The following SIK3 variants were observed in gnomAD, a reference collection of about 807,000 sequenced individuals.
The protein encoded by SIK3 is SIK family kinase 3.
Under a neutral mutation model 144.2 loss-of-function variants are expected in SIK3, and 28 were observed. That is an observed-to-expected ratio of 0.19 (90% CI 0.14 to 0.27). The LOEUF (loss-of-function observed/expected upper bound fraction) is 0.27, where lower values mean the gene tolerates loss of function less well. Ranked by LOEUF, SIK3 falls within the 10% of genes least tolerant of loss-of-function variation. The pLI is 1.00. For missense variants in SIK3, 1,319 were observed against 1,776.0 expected, an observed-to-expected ratio of 0.74 and a Z score of 4.62; for synonymous variants, 686 against 676.3, an observed-to-expected ratio of 1.01 and a Z score of -0.22.
At chr11:117,071,782 ATTTT>A (rs57735255) in intron 1 of SIK3, among the ~76,000 whole-genome samples, 1 of 105,640 alleles carries the variant, frequency 9.5e-6, no homozygotes, top group Non-Finnish European at 1.8e-5. Context: ...TGCTTGGTTA[ATTTT>A]TTTTTTTTTT....
intron 1 of SIK3, among the ~76,000 whole-genome samples, chr11:117,057,007 A>G (rs1953566012): frequency 6.6e-6 from 1 of 152,236 alleles, no homozygotes; most frequent in Non-Finnish European, 1.5e-5. Context: ...TTCTTTAGAG[A>G]TAATTGTAGA....
intron 1 of SIK3, among the ~76,000 whole-genome samples, chr11:117,096,303 G>A (rs893954499): frequency 1.3e-4 from 20 of 152,070 alleles, no homozygotes; most frequent in African/African-American, 4.8e-4. Flanking sequence ...CATAAACCAG[G>A]CAACCAATTA....
intron 1 of SIK3, among the ~76,000 whole-genome samples, chr11:116,973,248 A>C (rs935157605): frequency 2.0e-5 from 3 of 152,224 alleles, no homozygotes; most frequent in African/African-American, 7.2e-5. Flanking sequence ...GTTGCTACAT[A>C]GTAATAGAAA....
intron 1 of SIK3, among the ~76,000 whole-genome samples, chr11:116,964,314 T>C (rs367655452): frequency 1.6e-4 from 24 of 152,204 alleles, no homozygotes; most frequent in African/African-American, 5.3e-4. Context: ...AATTTTTTAA[T>C]TGAAGTCTAT....
chr11:117,034,904 A>G (rs955597248), intron 1 of SIK3, among the ~76,000 whole-genome samples: 4 of 152,244 alleles, frequency 2.6e-5, no homozygotes, highest in African/African-American at 9.6e-5. Context: ...TAATTGTAAC[A>G]TGGCTACAGC....
chr11:117,075,367 C>G (rs539663562), intron 1 of SIK3, among the ~76,000 whole-genome samples: 1 of 152,262 alleles, frequency 6.6e-6, no homozygotes, highest in East Asian at 1.9e-4. Flanking sequence ...TCTGACAACT[C>G]ATTTCCTGGG....
At chr11:116,969,065 T>C (rs1016277414) in intron 1 of SIK3, among the ~76,000 whole-genome samples, 2 of 151,348 alleles carry the variant, frequency 1.3e-5, no homozygotes, top group East Asian at 3.9e-4. Flanking sequence ...CCGAGGCGGG[T>C]GGATCACAAG....
rs564083678 is a variant in SIK3 at position 117,080,816 on chromosome 11, C to T, written c.273+17327G>A. On this transcript the variant is annotated intron_variant, in intron 1 of 24. Transcript: ENST00000445177. ...TACAAAAATTAGCTGGGTGTGGTGGCGCGCACCTGTAATCCCAGCTACTTG... is the reference window on the plus strand; with the variant it reads ...TACAAAAATTAGCTGGGTGTGGTGGTGCGCACCTGTAATCCCAGCTACTTG... Among the ~76,000 whole-genome samples the T allele has an allele frequency of 1.2e-4, 18 of 151,990 alleles. 1 individual carries two copies. The highest frequency in any genetic ancestry group is 2.1e-4 in the South Asian group (1 of 4,800).
At chr11:116,916,636 G>A (rs1033871627) in intron 4 of SIK3, among the ~76,000 whole-genome samples, 3 of 151,182 alleles carry the variant, frequency 2.0e-5, no homozygotes, top group East Asian at 3.9e-4. Context: ...TCAGCCTCCT[G>A]AGTAGCTGGG....
rs1281322398 is a variant in SIK3, at chr11:116,844,622, T to C, written c.*1021A>G. ...TTATATATATATTATATATATAATA[T>C]ATATATAATATATTATATTATATAT... On this transcript the variant is annotated 3_prime_UTR_variant, in exon 25 of 25. Coordinates refer to ENST00000445177, the MANE Select transcript of SIK3 (RefSeq NM_001366686.3). 1 of 34,836 alleles carries C rather than the reference T, an allele frequency of 2.9e-5. No individual in the cohort carries two copies. The allele number at this position is 34,836 out of a possible 1,614,324, so 2.2% of individuals were successfully genotyped here.
At chr11:117,004,234 G>A (rs745383115) in intron 1 of SIK3, among the ~76,000 whole-genome samples, 1 of 152,126 alleles carries the variant, frequency 6.6e-6, no homozygotes, top group Non-Finnish European at 1.5e-5. Flanking sequence ...GTAACTAAAG[G>A]CAGGGAGCAG....
chr11:117,089,772 T>C (rs558242347), intron 1 of SIK3, among the ~76,000 whole-genome samples: 1 of 152,290 alleles, frequency 6.6e-6, no homozygotes, highest in East Asian at 1.9e-4. Flanking sequence ...TGGCCGAAAG[T>C]ATCCAACTGA....
intron 4 of SIK3, among the ~76,000 whole-genome samples, chr11:116,912,167 CAGG>C (rs1267538048): frequency 1.3e-5 from 2 of 152,198 alleles, no homozygotes; most frequent in African/African-American, 4.8e-5. Context: ...TAATACAGAG[CAGG>C]AGACTTTAAT....
rs1381259972 is a variant in SIK3 at position 116,971,181 on chromosome 11, A to C, written c.274-14117T>G. 2.0e-5 allele frequency among the ~76,000 whole-genome samples: 3 copies of C among 152,224 alleles called. No individual in the cohort carries two copies. In the East Asian group the frequency reaches 5.8e-4, roughly 29 times the overall value. The stretch of plus-strand genomic sequence containing the variant: ...ACTGTTAAAACTAAGAACACTAAAT[A>C]ATAATATTGACATTAATTTCCATCC... On this transcript the variant is annotated intron_variant, in intron 1 of 24. Transcript: ENST00000445177.
intron 1 of SIK3, among the ~76,000 whole-genome samples, chr11:117,038,694 A>G (rs1262947559): frequency 2.0e-5 from 3 of 147,568 alleles, no homozygotes; most frequent in Non-Finnish European, 4.5e-5. Context: ...CTCTCCTTTT[A>G]CCTTTGTTAA....
intron 1 of SIK3, among the ~76,000 whole-genome samples, chr11:116,965,732 AAAATATATATATATATATATATAT>A (rs1565507383): frequency 6.5e-5 from 5 of 77,300 alleles, no homozygotes; most frequent in African/African-American, 1.7e-4. Flanking sequence ...CGTCTCTGCT[AAAATATATATATATATATATATAT>A]ATATATATAT....
intron 14 of SIK3, 118 bp downstream of exon 14, chr11:116,870,213 G>A (rs1001301691): frequency 1.3e-6 from 2 of 1,555,658 alleles, no homozygotes; most frequent in Non-Finnish European, 1.7e-6. Flanking sequence ...CTTGAGCAAA[G>A]AGACCACACA....
At chr11:117,072,262 C>T (rs1427645934) in intron 1 of SIK3, among the ~76,000 whole-genome samples, 1 of 152,080 alleles carries the variant, frequency 6.6e-6, no homozygotes, top group Non-Finnish European at 1.5e-5. Flanking sequence ...GTGGCATGTG[C>T]CTGTAATCCC....
At chr11:116,969,602 A>G (rs1264660639) in intron 1 of SIK3, among the ~76,000 whole-genome samples, 1 of 146,592 alleles carries the variant, frequency 6.8e-6, no homozygotes, top group Non-Finnish European at 1.5e-5. Flanking sequence ...GAAACTAAGT[A>G]AAAAAAAATC....
Sources: gnomAD v4.1 joint callset for allele counts (sites outside exome capture counted in the v4.1 genomes callset) on GRCh38, gnomAD v4.1.1 for gene constraint, MANE v1.5 for transcripts, NCBI Gene and HGNC (gene_info 2026-07-23, HGNC 2026-07-21) for gene names.